Variants in RANBP2 observed in about 807,000 individuals in gnomAD.
RANBP2 encodes E3 SUMO-protein ligase RanBP2.
RANBP2 carries 57 observed loss-of-function variants against 303.6 expected under a neutral mutation model. The observed-to-expected ratio is 0.19, with a 90% CI of 0.15 to 0.23. The LOEUF (loss-of-function observed/expected upper bound fraction) is 0.23. RANBP2 is among the 10% of genes least tolerant of loss of function. The pLI is 1.00. For synonymous variants in RANBP2, 1,167 were observed against 1,301.5 expected (o/e 0.90, Z 2.23); for missense variants, 3,138 against 3,780.8 (o/e 0.83, Z 4.46).
At chr2:109,674,138 C>A in the RANBP2 span, among the ~76,000 whole-genome samples, 1 of 152,012 alleles carries the variant, frequency 6.6e-6, no homozygotes, top group African/African-American at 2.4e-5. Context: ...CCCAGCACTC[C>A]TTTAATGTTG....
In RANBP2 at chr2:108,783,333, T is replaced by TAAAA. The variant is rs71381992; in HGVS notation, c.9370-237_9370-234dup. Among the ~76,000 whole-genome samples, 142 of 41,418 alleles carry TAAAA rather than the reference T, an allele frequency of 3.4e-3. 6 individuals are homozygous for TAAAA. The highest frequency in any genetic ancestry group is 0.013 in the African/African-American group (119 of 9,292). The allele number at this position is 41,418 out of a possible 152,430, so 27.2% of individuals were successfully genotyped here. On this transcript the variant is annotated intron_variant, in intron 28 of 28. Transcript: ENST00000283195. Reference sequence around the variant, plus strand: ...GCGACAGAGTGAGACAGCCTGTCATTAAAAAAAAAAAAAAAAAAAAAAAAA... The same window carrying TAAAA: ...GCGACAGAGTGAGACAGCCTGTCATTAAAAAAAAAAAAAAAAAAAAAAAAAAAAA...
the RANBP2 span, among the ~76,000 whole-genome samples, chr2:109,442,925 A>G: frequency 2.0e-5 from 3 of 152,370 alleles, no homozygotes; most frequent in East Asian, 1.9e-4. Context: ...ACATATTACT[A>G]AAAACAAACA....
the RANBP2 span, among the ~76,000 whole-genome samples, chr2:108,886,211 TCAC>T: frequency 6.6e-6 from 1 of 152,238 alleles, no homozygotes; most frequent in East Asian, 1.9e-4. Flanking sequence ...GTTTAAATTC[TCAC>T]CAACAGTGGG....
At chr2:109,639,762 G>A in the RANBP2 span, among the ~76,000 whole-genome samples, 2 of 151,378 alleles carry the variant, frequency 1.3e-5, no homozygotes, top group South Asian at 2.1e-4. Context: ...ACCCAGGCTG[G>A]AGTGCAGTGG....
At chr2:109,204,465 T>C in the RANBP2 span, among the ~76,000 whole-genome samples, 2,437 of 152,362 alleles carry the variant, frequency 0.016, 26 homozygotes, top group African/African-American at 0.032. Flanking sequence ...GGTTCACTTG[T>C]GGCTTTTGTT....
At chr2:109,129,624 C>A in the RANBP2 span, 3 of 1,490,454 alleles carry the variant, frequency 2.0e-6, no homozygotes, top group South Asian at 1.3e-5. Context: ...ACAGGCCAGG[C>A]GAGCGACGGC....
chr2:108,807,743 G>A, the RANBP2 span, among the ~76,000 whole-genome samples: 2,159 of 152,048 alleles, frequency 0.014, 47 homozygotes, highest in African/African-American at 0.046. Context: ...TCAGCCTCCC[G>A]AGTATCTGGG....
chr2:109,132,661 T>C, the RANBP2 span, among the ~76,000 whole-genome samples: 444 of 152,372 alleles, frequency 2.9e-3, 4 homozygotes, highest in Middle Eastern at 0.01. Flanking sequence ...TGTGTTCATA[T>C]GTGTTACTTC....
chr2:109,585,369 A>T, the RANBP2 span: 10 of 1,443,910 alleles, frequency 6.9e-6, no homozygotes, highest in Non-Finnish European at 9.5e-6. Flanking sequence ...ATGGCTGAAA[A>T]GAAATACAAC....
the RANBP2 span, among the ~76,000 whole-genome samples, chr2:109,586,508 G>C: frequency 6.6e-6 from 1 of 152,202 alleles, no homozygotes; most frequent in African/African-American, 2.4e-5. Context: ...GGAGATTGGG[G>C]CAGGCAGATT....
At chr2:109,195,398 G>A in the RANBP2 span, among the ~76,000 whole-genome samples, 1 of 152,234 alleles carries the variant, frequency 6.6e-6, no homozygotes, top group Non-Finnish European at 1.5e-5. Flanking sequence ...GACCAGGCAG[G>A]CCCTGGCCTG....
the RANBP2 span, among the ~76,000 whole-genome samples, chr2:109,696,198 C>T: frequency 1.3e-5 from 2 of 152,028 alleles, no homozygotes; most frequent in African/African-American, 4.8e-5. Flanking sequence ...CTCCTGACCT[C>T]GTGATCTGCC....
chr2:108,978,526 C>T, the RANBP2 span, among the ~76,000 whole-genome samples: 1 of 152,214 alleles, frequency 6.6e-6, no homozygotes, highest in African/African-American at 2.4e-5. Context: ...GCTTAGGGAA[C>T]ATGCAGATCC....
At chr2:108,970,587 G>A in the RANBP2 span, among the ~76,000 whole-genome samples, 3 of 152,044 alleles carry the variant, frequency 2.0e-5, no homozygotes, top group African/African-American at 7.2e-5. Context: ...GCCACACAGA[G>A]AATAACCAGG....
At chr2:109,579,264 T>C in the RANBP2 span, among the ~76,000 whole-genome samples, 82 of 152,324 alleles carry the variant, frequency 5.4e-4, 1 homozygote, top group South Asian at 0.017. Flanking sequence ...CCTATAATCA[T>C]TTTTTAAAAA....
chr2:109,490,407 T>C, the RANBP2 span, among the ~76,000 whole-genome samples: 1 of 152,166 alleles, frequency 6.6e-6, no homozygotes, highest in Non-Finnish European at 1.5e-5. Context: ...CCGTGGGAAC[T>C]GGGGTTCAGG....
the RANBP2 span, among the ~76,000 whole-genome samples, chr2:109,080,858 C>G: frequency 1.3e-5 from 2 of 152,188 alleles, no homozygotes; most frequent in East Asian, 1.9e-4. Flanking sequence ...AAACAACAGA[C>G]AGTCTGGATG....
At chr2:108,734,678 C>T (rs149486186) in intron 4 of RANBP2, among the ~76,000 whole-genome samples, 3,180 of 151,804 alleles carry the variant, frequency 0.021, 105 homozygotes, top group African/African-American at 0.073. Flanking sequence ...AAGTATATTT[C>T]TGAAAGTAAG....
chr2:109,489,603 G>A, the RANBP2 span, among the ~76,000 whole-genome samples: 1 of 152,246 alleles, frequency 6.6e-6, no homozygotes, highest in African/African-American at 2.4e-5. Context: ...TGTGTTGTCG[G>A]GGATGGCCCG....
Sources: gnomAD v4.1 joint callset for allele counts (sites outside exome capture counted in the v4.1 genomes callset) on GRCh38, gnomAD v4.1.1 for gene constraint, MANE v1.5 for transcripts, NCBI Gene and HGNC (gene_info 2026-07-23, HGNC 2026-07-21) for gene names.